Variants in RTN4 observed in about 807,000 individuals in gnomAD.
The protein encoded by RTN4 is reticulon-4.
A neutral mutation model predicts 90.4 loss-of-function variants in RTN4; 32 were observed. That is an observed-to-expected ratio of 0.35 (90% CI 0.27 to 0.48). The LOEUF is 0.48. RTN4 is among the 20% of genes least tolerant of loss of function. The pLI, the probability that RTN4 is intolerant of heterozygous loss-of-function variation, is 0.99. For missense variants in RTN4, 1,706 were observed against 1,430.2 expected (o/e 1.19, Z -3.11); for synonymous variants, 629 against 552.5 (o/e 1.14, Z -1.94).
At chr2:55,105,173 A>G (rs1252322845) in intron 1 of RTN4, among the ~76,000 whole-genome samples, 2 of 145,026 alleles carry the variant, frequency 1.4e-5, no homozygotes, top group East Asian at 2.0e-4. Flanking sequence ...TAGGCCTTCC[A>G]TATTTCTTTT....
chr2:55,120,311 C>T, the RTN4 span, among the ~76,000 whole-genome samples: 1 of 152,200 alleles, frequency 6.6e-6, no homozygotes. Flanking sequence ...AGGTTTCCCC[C>T]TATCTCCAGC....
intron 1 of RTN4, among the ~76,000 whole-genome samples, chr2:55,028,823 C>G (rs1429238359): frequency 1.3e-5 from 2 of 152,052 alleles, no homozygotes; most frequent in Non-Finnish European, 2.9e-5. Flanking sequence ...TAGGATGACA[C>G]CATTATTGGT....
Position 54,990,808 on chromosome 2 carries a change from CAG to C in RTN4, c.3014-3112_3014-3111del, listed in dbSNP as rs544135516. The stretch of plus-strand genomic sequence containing the variant: ...TTTCTTTTACTTTTTTTTTTTGAGA[CAG>C]AGTCTCGCACTGTCGCCCGGGCTGG... On this transcript the variant is annotated intron_variant, in intron 3 of 8. Transcript: ENST00000337526. Among the ~76,000 whole-genome samples, 12 of 151,626 alleles carry C rather than the reference CAG, an allele frequency of 7.9e-5. No homozygotes were observed. The East Asian group carries it at 1.9e-3, about 24-fold the overall frequency.
the RTN4 span, among the ~76,000 whole-genome samples, chr2:55,136,923 C>A: frequency 6.6e-6 from 1 of 152,146 alleles, no homozygotes; most frequent in Non-Finnish European, 1.5e-5. Context: ...AGGTGAACGG[C>A]CTGGGGAGAC....
chr2:55,097,239 C>T (rs1264695101), intron 1 of RTN4, among the ~76,000 whole-genome samples: 2 of 149,456 alleles, frequency 1.3e-5, no homozygotes, highest in African/African-American at 2.5e-5. Flanking sequence ...GAGGTCAGGG[C>T]TGCAATGAGC....
In RTN4 at chr2:55,072,402, T is replaced by G. The variant is rs534209676; in HGVS notation, c.-63+8087A>C. Among the ~76,000 whole-genome samples the G allele has an allele frequency of 3.6e-3, 544 of 152,202 alleles. 1 individual carries two copies. The Middle Eastern group carries it at 0.041, about 11-fold the overall frequency. On this transcript the variant is annotated intron_variant, in intron 2 of 3. Coordinates refer to the RTN4 transcript ENST00000427710. ...CCACCACCATGCCCAGCTGATTTTT[T>G]GTATTTTTAGTAGAGATGGGGTTTC...
At chr2:54,982,229 T>A (rs1280591344) in intron 5 of RTN4, among the ~76,000 whole-genome samples, 2 of 152,050 alleles carry the variant, frequency 1.3e-5, no homozygotes, top group African/African-American at 2.4e-5. Context: ...GTGCTAGGAT[T>A]ACAGGTGTGA....
At chr2:55,097,027 G>A (rs528507427) in intron 1 of RTN4, among the ~76,000 whole-genome samples, 2 of 151,766 alleles carry the variant, frequency 1.3e-5, no homozygotes, top group South Asian at 4.1e-4. Flanking sequence ...AGTACTTAGG[G>A]GAGATTATAC....
chr2:55,001,723 A>G (rs1679863018), intron 3 of RTN4, among the ~76,000 whole-genome samples: 1 of 152,190 alleles, frequency 6.6e-6, no homozygotes, highest in Non-Finnish European at 1.5e-5. Flanking sequence ...GCACTTCAAA[A>G]CGGAGCCTCT....
At chr2:55,040,434 A>T (rs1682993641) in intron 1 of RTN4, among the ~76,000 whole-genome samples, 1 of 152,172 alleles carries the variant, frequency 6.6e-6, no homozygotes, top group African/African-American at 2.4e-5. Flanking sequence ...GCTTAAAAAA[A>T]AAAAGTTGTA....
chr2:55,103,718 G>A (rs1033146075), intron 1 of RTN4, among the ~76,000 whole-genome samples: 7 of 151,816 alleles, frequency 4.6e-5, no homozygotes, highest in Non-Finnish European at 8.8e-5. Flanking sequence ...TTGTTGAAAC[G>A]GAGTCTCGCT....
At chr2:55,075,963 C>T (rs1668592224) in intron 2 of RTN4, among the ~76,000 whole-genome samples, 1 of 152,202 alleles carries the variant, frequency 6.6e-6, no homozygotes, top group African/African-American at 2.4e-5. Flanking sequence ...AAATCTAAGA[C>T]TTGAAACCAC....
chr2:55,024,506 T>C (rs1681674730), intron 3 of RTN4, among the ~76,000 whole-genome samples: 1 of 152,166 alleles, frequency 6.6e-6, no homozygotes, highest in South Asian at 2.1e-4. Flanking sequence ...AAATCAGGTA[T>C]GTGGAAAATG....
upstream of RTN4, among the ~76,000 whole-genome samples, chr2:55,055,638 C>T (rs4672009): frequency 0.062 from 9,466 of 151,946 alleles, 473 homozygotes; most frequent in South Asian, 0.18. Flanking sequence ...GGCGTGGTGG[C>T]GGGCGCCTGT....
intron 3 of RTN4, among the ~76,000 whole-genome samples, chr2:55,011,146 C>T (rs1350281735): frequency 6.6e-6 from 1 of 152,116 alleles, no homozygotes; most frequent in African/African-American, 2.4e-5. Context: ...GAGATCCTCC[C>T]ATCTCAGTCA....
intron 3 of RTN4, among the ~76,000 whole-genome samples, chr2:55,024,342 G>A (rs1267311549): frequency 6.6e-6 from 1 of 152,142 alleles, no homozygotes; most frequent in Non-Finnish European, 1.5e-5. Context: ...TTCCAATGGT[G>A]ATGAGCTGGA....
At chr2:55,037,220 A>C (rs1311001792) in intron 1 of RTN4, among the ~76,000 whole-genome samples, 3 of 152,222 alleles carry the variant, frequency 2.0e-5, no homozygotes, top group Admixed American at 2.0e-4. Context: ...TGCTGAGAGA[A>C]ATTACAGATG....
intron 3 of RTN4, among the ~76,000 whole-genome samples, chr2:55,022,462 T>G (rs766476178): frequency 6.6e-6 from 1 of 152,144 alleles, no homozygotes; most frequent in East Asian, 1.9e-4. Flanking sequence ...CTGTGGAACT[T>G]GCTAAATGAA....
chr2:55,089,509 G>C (rs1038937878), intron 1 of RTN4, among the ~76,000 whole-genome samples: 1 of 152,206 alleles, frequency 6.6e-6, no homozygotes, highest in Non-Finnish European at 1.5e-5. Flanking sequence ...TTTCCGGCAT[G>C]ATCTGCCAGG....
Sources: allele counts gnomAD v4.1 joint callset (sites outside exome capture counted in the v4.1 genomes callset), GRCh38; gene constraint gnomAD v4.1.1; transcripts MANE v1.5; gene names NCBI Gene and HGNC (gene_info 2026-07-23, HGNC 2026-07-21).